Variants in CSMD1 observed in about 807,000 individuals in gnomAD.
The protein encoded by CSMD1 is CUB and Sushi multiple domains 1.
CSMD1 carries 213 observed loss-of-function variants against 417.5 expected under a neutral mutation model. That is an observed-to-expected ratio of 0.51 (90% CI 0.46 to 0.57). The LOEUF (loss-of-function observed/expected upper bound fraction) is 0.57. CSMD1 is among the 20% of genes least tolerant of loss of function. The pLI, the probability that CSMD1 is intolerant of heterozygous loss-of-function variation, is 0.00. For synonymous variants in CSMD1, 2,862 were observed against 1,736.8 expected, an observed-to-expected ratio of 1.65 and a Z score of -16.11; for missense variants, 6,923 against 4,529.7, an observed-to-expected ratio of 1.53 and a Z score of -15.17.
In CSMD1 at chr8:3,451,072, C is replaced by T. The variant is rs530857762; in HGVS notation, c.1561+17640G>A. Among the ~76,000 whole-genome samples the T allele has an allele frequency of 7.2e-5, 11 of 152,230 alleles. No individual in the cohort carries two copies. The East Asian group carries it at 7.7e-4, about 11-fold the overall frequency. On this transcript the variant is annotated intron_variant, in intron 12 of 69. Coordinates refer to ENST00000635120, the MANE Select transcript of CSMD1 (RefSeq NM_033225.6). Reference sequence around the variant, plus strand: ...GCATTTCTCTGATGGCCAGTGATGACGAGCATTTTTTCACGTCTCTTTTGG... The same window carrying T: ...GCATTTCTCTGATGGCCAGTGATGATGAGCATTTTTTCACGTCTCTTTTGG...
At chr8:3,184,674 A>G (rs1234739911) in intron 36 of CSMD1, among the ~76,000 whole-genome samples, 2 of 152,204 alleles carry the variant, frequency 1.3e-5, no homozygotes, top group Non-Finnish European at 2.9e-5. Context: ...ATTTTAGGTC[A>G]ACTTCCTGAT....
chr8:3,434,767 G>C (rs114003504), intron 12 of CSMD1, among the ~76,000 whole-genome samples: 143 of 152,184 alleles, frequency 9.4e-4, no homozygotes, highest in African/African-American at 3.3e-3. Context: ...CTCCCATCTT[G>C]TATTCATCTC....
At chr8:3,395,812 A>G (rs1179781920) in intron 17 of CSMD1, among the ~76,000 whole-genome samples, 1 of 152,138 alleles carries the variant, frequency 6.6e-6, no homozygotes. Context: ...TCTAGCAAGG[A>G]TCCTTTTCTC....
chr8:4,417,287 G>A lies in CSMD1; in HGVS notation c.415+2666C>T, dbSNP rs1796997058. On this transcript the variant is annotated intron_variant, in intron 3 of 69. Transcript: ENST00000635120. ...TTTAATTTGTTTCTATTCTCATTAT[G>A]TAGCTTAATAGTTCCATGTGTGAAT... Among the ~76,000 whole-genome samples, 7 of 152,006 alleles carry A rather than the reference G, an allele frequency of 4.6e-5. No individual in the cohort carries two copies. In the South Asian group the frequency reaches 1.5e-3, roughly 32 times the overall value.
At chr8:4,362,217 G>T (rs1406300058) in intron 3 of CSMD1, among the ~76,000 whole-genome samples, 1 of 152,086 alleles carries the variant, frequency 6.6e-6, no homozygotes, top group Non-Finnish European at 1.5e-5. Flanking sequence ...AAGGATCCTG[G>T]GAGATTTTAA....
intron 21 of CSMD1, among the ~76,000 whole-genome samples, chr8:3,352,624 G>A (rs1345431718): frequency 1.3e-5 from 2 of 152,132 alleles, no homozygotes; most frequent in Non-Finnish European, 2.9e-5. Context: ...CAGATCACCT[G>A]AAGTCAGGAG....
At chr8:3,759,307 G>A (rs1008739508) in intron 5 of CSMD1, among the ~76,000 whole-genome samples, 6 of 152,132 alleles carry the variant, frequency 3.9e-5, no homozygotes, top group African/African-American at 1.4e-4. Flanking sequence ...GAATGATCCT[G>A]AGGAAAAGGA....
chr8:4,974,690 G>A (rs1485077763), intron 1 of CSMD1, among the ~76,000 whole-genome samples: 1 of 152,176 alleles, frequency 6.6e-6, no homozygotes, highest in African/African-American at 2.4e-5. Context: ...AGACCTAAGA[G>A]TAAGACAGAT....
chr8:4,026,547 A>C (rs151297071), intron 4 of CSMD1, among the ~76,000 whole-genome samples: 1 of 152,218 alleles, frequency 6.6e-6, no homozygotes, highest in African/African-American at 2.4e-5. Context: ...ATGAAGGAAA[A>C]TACTCTTGGC....
At chr8:3,513,017 T>C (rs1797142257) in intron 10 of CSMD1, among the ~76,000 whole-genome samples, 1 of 152,156 alleles carries the variant, frequency 6.6e-6, no homozygotes, top group African/African-American at 2.4e-5. Context: ...GAAAGATCAT[T>C]TAAAAATACA....
chr8:2,992,049 T>C (rs183712297), intron 54 of CSMD1, among the ~76,000 whole-genome samples: 2 of 152,158 alleles, frequency 1.3e-5, no homozygotes, highest in African/African-American at 2.4e-5. Context: ...TTTTAGTGTG[T>C]ATGTATAGCA....
At chr8:3,663,033 T>C (rs1171412189) in intron 7 of CSMD1, among the ~76,000 whole-genome samples, 1 of 152,060 alleles carries the variant, frequency 6.6e-6, no homozygotes, top group Admixed American at 6.6e-5. Flanking sequence ...CTCCATGCCA[T>C]TTGTCTGGCA....
intron 37 of CSMD1, among the ~76,000 whole-genome samples, chr8:3,179,181 G>A (rs189277190): frequency 0.013 from 2,016 of 151,708 alleles, 27 homozygotes; most frequent in Non-Finnish European, 0.02. Flanking sequence ...TCCTGACCTC[G>A]TGATCTGCCC....
chr8:4,461,841 C>T (rs74732751), intron 2 of CSMD1, among the ~76,000 whole-genome samples: 1,725 of 150,920 alleles, frequency 0.011, 29 homozygotes, highest in African/African-American at 0.041. Context: ...ACGGGGTTCC[C>T]GCCATTCTCC....
rs1419930910 is a variant in CSMD1, at chr8:4,162,518, A to G, written c.416-130419T>C. On this transcript the variant is annotated intron_variant, in intron 3 of 69. Transcript: ENST00000635120. ...TTGATCCTCATAAATCTAACTTGCC[A>G]GAATATTAAATTTTGATATTTTTAA... Among the ~76,000 whole-genome samples, 8 of 152,334 alleles carry G rather than the reference A, an allele frequency of 5.3e-5. No homozygotes were observed. The East Asian group carries it at 1.5e-3, about 29-fold the overall frequency.
At chr8:3,278,144 G>A in intron 26 of CSMD1, among the ~76,000 whole-genome samples, 1 of 152,130 alleles carries the variant, frequency 6.6e-6, no homozygotes, top group East Asian at 1.9e-4. Context: ...GGAATAAGGA[G>A]GAACAAGAGA....
At chr8:4,864,804 C>G (rs560295098) in intron 1 of CSMD1, among the ~76,000 whole-genome samples, 2 of 150,962 alleles carry the variant, frequency 1.3e-5, no homozygotes, top group South Asian at 4.2e-4. Context: ...TTTTTGTATT[C>G]TCTGTAATCT....
In CSMD1 at chr8:4,775,157, G is replaced by C. The variant is rs563076901; in HGVS notation, c.86-137599C>G. ...AGAATTTTCCCCAGGAAACCATGCA[G>C]TAATTCTAATATTCTCAACATCAAC... On this transcript the variant is annotated intron_variant, in intron 1 of 69. Transcript: ENST00000635120. 8.6e-5 allele frequency among the ~76,000 whole-genome samples: 13 copies of C among 151,944 alleles called. No homozygotes were observed. The South Asian group carries it at 2.7e-3, about 31-fold the overall frequency.
intron 1 of CSMD1, among the ~76,000 whole-genome samples, chr8:4,959,093 G>C (rs1333831552): frequency 2.0e-5 from 3 of 152,150 alleles, no homozygotes; most frequent in Admixed American, 6.6e-5. Context: ...AAATAGTTTA[G>C]TCTATGCTTA....
Sources: gnomAD v4.1 joint callset for allele counts (sites outside exome capture counted in the v4.1 genomes callset) on GRCh38, gnomAD v4.1.1 for gene constraint, MANE v1.5 for transcripts, NCBI Gene and HGNC (gene_info 2026-07-23, HGNC 2026-07-21) for gene names.